RAB12: variants seen among roughly 807,000 people sequenced by gnomAD.
RAB12 encodes the protein RAB12, member RAS oncogene family, also known as ras-related protein Rab-12.
RAB12 carries 11 observed loss-of-function variants against 28.4 expected under a neutral mutation model. The observed-to-expected ratio is 0.39, with a 90% CI of 0.24 to 0.64. The LOEUF (loss-of-function observed/expected upper bound fraction) is 0.64. Among genes scored for constraint, RAB12 ranks in the 30% least tolerant of loss-of-function variants. The pLI is 0.50. For missense variants in RAB12, 276 were observed against 351.1 expected (o/e 0.79, Z 1.71); for synonymous variants, 138 against 145.3 (o/e 0.95, Z 0.36).
chr18:8,625,240 A>G (rs2096012036), intron 2 of RAB12, among the ~76,000 whole-genome samples: 1 of 152,268 alleles, frequency 6.6e-6, no homozygotes, highest in Non-Finnish European at 1.5e-5. Flanking sequence ...AATGGTAGCT[A>G]GTTTGGAACC....
chr18:8,618,900 C>T (rs1317930285), intron 1 of RAB12, among the ~76,000 whole-genome samples: 1 of 152,172 alleles, frequency 6.6e-6, no homozygotes, highest in Non-Finnish European at 1.5e-5. Context: ...TGGCCTTATG[C>T]CCACATGACT....
At chr18:8,622,589 C>G (rs1006505310) in intron 1 of RAB12, among the ~76,000 whole-genome samples, 1 of 152,162 alleles carries the variant, frequency 6.6e-6, no homozygotes, top group Non-Finnish European at 1.5e-5. Flanking sequence ...CAAGTGGAGG[C>G]AGGGCAAGAT....
At chr18:8,623,896 G>T (rs1472836450) in intron 1 of RAB12, among the ~76,000 whole-genome samples, 1 of 152,256 alleles carries the variant, frequency 6.6e-6, no homozygotes, top group Admixed American at 6.5e-5. Context: ...CTTTTGTGTG[G>T]CATTGGTGTC....
chr18:8,614,759 T>C (rs1434389771), intron 1 of RAB12, among the ~76,000 whole-genome samples: 1 of 152,064 alleles, frequency 6.6e-6, no homozygotes, highest in Non-Finnish European at 1.5e-5. Flanking sequence ...CTAATTTTTG[T>C]ATTTTTAGTA....
At chr18:8,636,022 AT>A (rs2096018698) in intron 4 of RAB12, among the ~76,000 whole-genome samples, 2 of 152,226 alleles carry the variant, frequency 1.3e-5, no homozygotes, top group African/African-American at 2.4e-5. Context: ...TAGGCAACTG[AT>A]TTGACTGGAA....
At chr18:8,637,654 C>T (rs778653657) in intron 5 of RAB12, among the ~76,000 whole-genome samples, 7 of 152,216 alleles carry the variant, frequency 4.6e-5, no homozygotes, top group South Asian at 2.1e-4. Flanking sequence ...GTGCTGACCC[C>T]CTAAACAGTC....
intron 1 of RAB12, among the ~76,000 whole-genome samples, chr18:8,623,999 C>T (rs9959962): frequency 0.12 from 18,244 of 152,308 alleles, 1,307 homozygotes; most frequent in Admixed American, 0.17. Flanking sequence ...TGCCCAGAGA[C>T]GGGCAGTCAG....
At chr18:8,610,149 G>A (rs2096002898) in intron 1 of RAB12, 196 bp downstream of exon 1, 1 of 505,268 alleles carries the variant, frequency 2.0e-6, no homozygotes, top group Non-Finnish European at 3.5e-6. Context: ...TGCCGCCTCC[G>A]GGCAGACCTG....
At chr18:8,629,203 CTCTT>C (rs1465543397) in intron 2 of RAB12, among the ~76,000 whole-genome samples, 14 of 152,246 alleles carry the variant, frequency 9.2e-5, no homozygotes, top group Non-Finnish European at 1.6e-4. Flanking sequence ...AAAGATTTAA[CTCTT>C]TATTGGTTTG....
intron 5 of RAB12, among the ~76,000 whole-genome samples, chr18:8,637,665 A>G (rs2096019694): frequency 6.6e-6 from 1 of 152,212 alleles, no homozygotes; most frequent in Non-Finnish European, 1.5e-5. Context: ...CTAAACAGTC[A>G]GAAATCTGAG....
chr18:8,617,675 A>T (rs547554875), intron 1 of RAB12, among the ~76,000 whole-genome samples: 8 of 152,230 alleles, frequency 5.3e-5, no homozygotes, highest in African/African-American at 1.7e-4. Context: ...TTTCAGCCTT[A>T]AATATATGTT....
Position 8,609,614 on chromosome 18 carries a change from C to G in RAB12, c.175C>G (p.Pro59Ala), listed in dbSNP as rs946679963. ...GCCGCTCCAGCGGGCGGAAGCCGAG[C>G]CCGGGGCCGACCCCCCGCGCGCGGC... ...PGPLQRAEAE[P>A]GADPPRAAEA... Residue 59 changes from proline (P) to alanine (A), a missense_variant, in exon 1 of 6, where the codon CCC becomes GCC. By Grantham distance (27) the Pro-to-Ala change is conservative. Transcript: ENST00000649141. 4 of 378,328 alleles carry G rather than the reference C, an allele frequency of 1.1e-5. No individual in the cohort carries two copies. Among genetic ancestry groups the G allele is most frequent in the African/African-American group, 2.2e-5 (1 of 45,018 alleles). The allele number at this position is 378,328 out of a possible 1,614,324, so 23.4% of individuals were successfully genotyped here.
chr18:8,639,249 T>C lies in RAB12; in HGVS notation c.*987T>C, dbSNP rs75093271. On this transcript the variant is annotated 3_prime_UTR_variant, in exon 6 of 6. Transcript: ENST00000649141. ...TGGTATATCTTTTATTAAACTGCAC[T>C]GTTTTGTTTAGTCAAGGTAATTAAG... The C allele has an allele frequency of 0.034, 5,011 of 149,214 alleles. 134 individuals are homozygous for C. The highest frequency in any genetic ancestry group is 0.055 in the Non-Finnish European group (3,732 of 67,492). 9.2% of individuals were successfully genotyped at this position (149,214 alleles called of 1,614,324 possible).
intron 3 of RAB12, among the ~76,000 whole-genome samples, chr18:8,634,303 T>C (rs1049766284): frequency 1.0e-4 from 14 of 133,656 alleles, no homozygotes; most frequent in South Asian, 6.9e-4. Flanking sequence ...TTTTTTTTTT[T>C]CATTAAAAAA....
chr18:8,616,247 C>A (rs1567892668), intron 1 of RAB12, among the ~76,000 whole-genome samples: 1 of 152,012 alleles, frequency 6.6e-6, no homozygotes, highest in South Asian at 2.1e-4. Context: ...GAAAAGAGTG[C>A]CTCCTGCTTC....
chr18:8,610,323 C>T (rs1168297930), intron 1 of RAB12, among the ~76,000 whole-genome samples: 2 of 152,232 alleles, frequency 1.3e-5, no homozygotes, highest in Non-Finnish European at 2.9e-5. Flanking sequence ...CGCTCTCGCC[C>T]GGCCCGCCAA....
chr18:8,624,932 T>G lies in RAB12; in HGVS notation c.515-6T>G. ...TTTGCTTCACATTTATTTGTTTTATTTACAGGTGTTGACTTCAAAATCAAA... is the reference window on the plus strand; with the variant it reads ...TTTGCTTCACATTTATTTGTTTTATGTACAGGTGTTGACTTCAAAATCAAA... On this transcript the variant is annotated splice_region_variant and splice_polypyrimidine_tract_variant and intron_variant, in intron 1 of 5. Transcript: ENST00000649141. 6.5e-7 allele frequency: 1 copy of G among 1,544,322 alleles called. No individual in the cohort carries two copies. The highest frequency in any genetic ancestry group is 8.9e-7 in the Non-Finnish European group (1 of 1,118,956).
In RAB12 at chr18:8,638,169, G is replaced by A; in HGVS notation, c.930G>A (p.Arg310=). ...ILKKMPLDIL[R]NELSNSILSL... ...GTTAGATGCCTCTGGATATTTTAAG[G>A]AATGAGTTGTCCAATAGTATCCTGT... The change falls in exon 6 of 6, where the codon AGG becomes AGA. Residue 310 remains arginine (R), a synonymous_variant. Coordinates refer to ENST00000649141, the MANE Select transcript of RAB12 (RefSeq NM_001025300.3). 6.2e-7 allele frequency: 1 copy of A among 1,613,022 alleles called. No homozygotes were observed. Among genetic ancestry groups the A allele is most frequent in the Non-Finnish European group, 8.5e-7 (1 of 1,179,264 alleles).
At chr18:8,633,058 A>G (rs528936731) in intron 2 of RAB12, 131 bp from the exon 3 acceptor site, 3 of 1,120,726 alleles carry the variant, frequency 2.7e-6, no homozygotes, top group Admixed American at 2.2e-5. Flanking sequence ...CATCAGGTCA[A>G]AGGGAAATAG....
Sources: allele counts gnomAD v4.1 joint callset (sites outside exome capture counted in the v4.1 genomes callset), GRCh38; gene constraint gnomAD v4.1.1; transcripts MANE v1.5; gene names NCBI Gene and HGNC (gene_info 2026-07-23, HGNC 2026-07-21).